Variants in MAP3K7CL observed in about 807,000 individuals in gnomAD.
The protein encoded by MAP3K7CL is MAP3K7 C-terminal like, also known as MAP3K7 C-terminal-like protein.
A neutral mutation model predicts 18.6 loss-of-function variants in MAP3K7CL; 16 were observed. The ratio of observed to expected loss-of-function variants is 0.86; its 90% CI spans 0.58 to 1.31. The LOEUF is 1.31. Ranked by LOEUF, MAP3K7CL falls within the 50% of genes most tolerant of loss-of-function variation. The pLI is 0.00. For missense variants in MAP3K7CL, 163 were observed against 174.4 expected (o/e 0.93, Z 0.37); for synonymous variants, 65 against 66.8 (o/e 0.97, Z 0.13).
At chr21:29,143,229 G>A (rs1464062868) in intron 2 of MAP3K7CL, among the ~76,000 whole-genome samples, 63 of 152,186 alleles carry the variant, frequency 4.1e-4, no homozygotes, top group Non-Finnish European at 2.6e-4. Flanking sequence ...TCTGGAGGGC[G>A]GGCTCTGTGT....
At chr21:29,124,388 G>C (rs1049952601) in intron 4 of MAP3K7CL, among the ~76,000 whole-genome samples, 8 of 147,016 alleles carry the variant, frequency 5.4e-5, no homozygotes, top group African/African-American at 2.0e-4. Context: ...GAACACATGT[G>C]TCACATTTAA....
rs149759565 is a variant in MAP3K7CL, at chr21:29,136,600, C to T, written c.70+3186C>T. On this transcript the variant is annotated intron_variant, in intron 2 of 4. Transcript: ENST00000399928. ...CGTGCAGTGGTGCAATATTGGCTCA[C>T]CGCGACCTCCGCCTCCCTGAGGTGA... is the stretch of plus-strand genomic sequence containing the variant. Among the ~76,000 whole-genome samples the T allele has an allele frequency of 3.1e-3, 474 of 152,122 alleles. 1 individual carries two copies. Among genetic ancestry groups the T allele is most frequent in the Non-Finnish European group, 4.8e-3 (326 of 68,000 alleles).
At chr21:29,079,556 A>G (rs768763662) in intron 1 of MAP3K7CL, among the ~76,000 whole-genome samples, 1 of 152,230 alleles carries the variant, frequency 6.6e-6, no homozygotes, top group Non-Finnish European at 1.5e-5. Context: ...CTTTGCCACA[A>G]AAAGCCCCCA....
intron 3 of MAP3K7CL, 112 bp from the exon 4 acceptor site, chr21:29,159,829 A>C (rs2087499244): frequency 9.2e-6 from 7 of 757,862 alleles, no homozygotes; most frequent in African/African-American, 5.4e-5. Flanking sequence ...TCACGTTAAA[A>C]AAAAAAAAGA....
chr21:29,101,845 A>G (rs1601155126), intron 4 of MAP3K7CL, among the ~76,000 whole-genome samples: 1 of 152,350 alleles, frequency 6.6e-6, no homozygotes, highest in East Asian at 1.9e-4. Context: ...CACATGTGCC[A>G]GTGTTAATCT....
chr21:29,161,214 G>T (rs1231526259), intron 4 of MAP3K7CL, among the ~76,000 whole-genome samples: 1 of 152,172 alleles, frequency 6.6e-6, no homozygotes, highest in Non-Finnish European at 1.5e-5. Context: ...GGAGGCTGAG[G>T]CAGGAGAATC....
At chr21:29,108,794 G>A (rs1447919000) in intron 4 of MAP3K7CL, among the ~76,000 whole-genome samples, 3 of 152,176 alleles carry the variant, frequency 2.0e-5, no homozygotes, top group Admixed American at 1.3e-4. Context: ...GAAAACATAA[G>A]TATTGTTGGT....
chr21:29,137,244 G>A (rs1366480770), intron 2 of MAP3K7CL, among the ~76,000 whole-genome samples: 1 of 152,212 alleles, frequency 6.6e-6, no homozygotes, highest in Non-Finnish European at 1.5e-5. Context: ...CAGTTATTTA[G>A]GGACTAGTTA....
intron 4 of MAP3K7CL, among the ~76,000 whole-genome samples, chr21:29,094,256 A>G (rs1034938990): frequency 2.0e-5 from 3 of 152,204 alleles, no homozygotes; most frequent in African/African-American, 7.2e-5. Flanking sequence ...CCGCAACAAC[A>G]ATTATCTGGC....
At chr21:29,119,200 G>A (rs983514769) in intron 4 of MAP3K7CL, among the ~76,000 whole-genome samples, 3 of 152,270 alleles carry the variant, frequency 2.0e-5, no homozygotes, top group Admixed American at 2.0e-4. Flanking sequence ...TATTAGGCTC[G>A]TGTAAATGTA....
chr21:29,088,937 C>T (rs995718383), intron 1 of MAP3K7CL, among the ~76,000 whole-genome samples: 9 of 151,868 alleles, frequency 5.9e-5, no homozygotes, highest in Admixed American at 2.0e-4. Flanking sequence ...TTTGGGAGGC[C>T]GAGGTAGGTA....
At chr21:29,115,868 C>G (rs144000722) in intron 4 of MAP3K7CL, among the ~76,000 whole-genome samples, 2 of 152,336 alleles carry the variant, frequency 1.3e-5, no homozygotes, top group East Asian at 3.9e-4. Context: ...CCTTAATGTA[C>G]TACCTGACAC....
intron 3 of MAP3K7CL, 85 bp downstream of exon 3, chr21:29,149,335 G>A: frequency 1.7e-6 from 2 of 1,196,172 alleles, no homozygotes; most frequent in Non-Finnish European, 2.5e-6. Flanking sequence ...CTGACTAGGG[G>A]AGACTGACTT....
At chr21:29,090,789 C>T (rs374462474) in intron 1 of MAP3K7CL, among the ~76,000 whole-genome samples, 6 of 151,742 alleles carry the variant, frequency 4.0e-5, no homozygotes, top group African/African-American at 1.5e-4. Context: ...GCTGCATCCC[C>T]GGGACTTCGT....
intron 4 of MAP3K7CL, among the ~76,000 whole-genome samples, chr21:29,113,706 T>C (rs1167177184): frequency 5.3e-5 from 8 of 152,138 alleles, no homozygotes; most frequent in African/African-American, 1.9e-4. Context: ...GTATTTTTAG[T>C]AGAGATGGGG....
chr21:29,169,663 A>G (rs1305346360), intron 4 of MAP3K7CL, among the ~76,000 whole-genome samples: 1 of 152,246 alleles, frequency 6.6e-6, no homozygotes, highest in Non-Finnish European at 1.5e-5. Flanking sequence ...GATCCCTTGT[A>G]GTGGTCTCCT....
intron 4 of MAP3K7CL, among the ~76,000 whole-genome samples, chr21:29,093,521 A>G (rs1277679516): frequency 6.6e-6 from 1 of 152,018 alleles, no homozygotes; most frequent in Non-Finnish European, 1.5e-5. Context: ...TCGCTCTGTC[A>G]CCCAGGCTGG....
At chr21:29,160,693 T>A (rs1448428200) in intron 4 of MAP3K7CL, among the ~76,000 whole-genome samples, 1 of 152,226 alleles carries the variant, frequency 6.6e-6, no homozygotes, top group Non-Finnish European at 1.5e-5. Flanking sequence ...TAGACACCTT[T>A]CCTTCACAGT....
intron 4 of MAP3K7CL, among the ~76,000 whole-genome samples, chr21:29,123,273 A>G (rs2086628400): frequency 6.6e-6 from 1 of 152,118 alleles, no homozygotes; most frequent in Non-Finnish European, 1.5e-5. Flanking sequence ...CATGTTGGTC[A>G]GGCTGATCTC....
Sources: allele counts gnomAD v4.1 joint callset (sites outside exome capture counted in the v4.1 genomes callset), GRCh38; gene constraint gnomAD v4.1.1; transcripts MANE v1.5; gene names NCBI Gene and HGNC (gene_info 2026-07-23, HGNC 2026-07-21).